DLGAP1: variants seen among roughly 807,000 people sequenced by gnomAD.
DLGAP1 encodes disks large-associated protein 1.
A neutral mutation model predicts 90.8 loss-of-function variants in DLGAP1; 11 were observed. The ratio of observed to expected loss-of-function variants is 0.12; its 90% CI spans 0.08 to 0.20. The LOEUF (loss-of-function observed/expected upper bound fraction) is 0.20. Among genes scored for constraint, DLGAP1 ranks in the 10% least tolerant of loss-of-function variants. DLGAP1 has a pLI of 1.00. For synonymous variants in DLGAP1, 558 were observed against 540.7 expected, an observed-to-expected ratio of 1.03 and a Z score of -0.44; for missense variants, 1,050 against 1,333.8, an observed-to-expected ratio of 0.79 and a Z score of 3.31.
chr18:4,330,722 A>G (rs959484134), intron 1 of DLGAP1, among the ~76,000 whole-genome samples: 2 of 151,740 alleles, frequency 1.3e-5, no homozygotes, highest in African/African-American at 4.9e-5. Flanking sequence ...TTGTGGTCAG[A>G]GATTATACTT....
At chr18:4,201,882 A>C (rs1310312481) in intron 1 of DLGAP1, among the ~76,000 whole-genome samples, 1 of 152,150 alleles carries the variant, frequency 6.6e-6, no homozygotes, top group African/African-American at 2.4e-5. Context: ...AGGGGAATGT[A>C]AATTAGTACA....
chr18:3,861,647 C>G (rs1267575884), intron 4 of DLGAP1, among the ~76,000 whole-genome samples: 2 of 152,222 alleles, frequency 1.3e-5, no homozygotes, highest in Admixed American at 6.5e-5. Flanking sequence ...AGTGCCCCCA[C>G]CCTGCCCTCT....
chr18:3,604,386 G>GAGTT (rs2057222478), intron 7 of DLGAP1: 1 of 151,960 alleles, frequency 6.6e-6, no homozygotes, highest in Admixed American at 6.6e-5. Flanking sequence ...ACATTTTCTG[G>GAGTT]AGTTACATGT....
chr18:3,823,297 C>T (rs2067524310), intron 4 of DLGAP1, among the ~76,000 whole-genome samples: 1 of 152,128 alleles, frequency 6.6e-6, no homozygotes, highest in Admixed American at 6.5e-5. Context: ...CATGAAATGC[C>T]AGGACAAAGA....
At chr18:3,674,405 G>A (rs1396031420) in intron 7 of DLGAP1, among the ~76,000 whole-genome samples, 2 of 151,324 alleles carry the variant, frequency 1.3e-5, no homozygotes, top group Non-Finnish European at 2.9e-5. Context: ...AATCATTTGA[G>A]GCCAGGAGTT....
At chr18:3,988,117 G>C (rs2073880186) in intron 3 of DLGAP1, among the ~76,000 whole-genome samples, 1 of 151,834 alleles carries the variant, frequency 6.6e-6, no homozygotes. Context: ...CCCATCTGGG[G>C]GTGATGGGAG....
At chr18:3,858,458 A>G (rs1309992491) in intron 4 of DLGAP1, among the ~76,000 whole-genome samples, 1 of 132,240 alleles carries the variant, frequency 7.6e-6, no homozygotes, top group Non-Finnish European at 1.5e-5. Context: ...AAATTATATC[A>G]TATACAACAA....
intron 4 of DLGAP1, among the ~76,000 whole-genome samples, chr18:3,855,683 G>A (rs947739903): frequency 3.3e-5 from 5 of 151,892 alleles, no homozygotes; most frequent in African/African-American, 9.7e-5. Context: ...GCATGGTCTC[G>A]GCTCACTGCA....
intron 5 of DLGAP1, among the ~76,000 whole-genome samples, chr18:3,786,855 A>T (rs1205960096): frequency 6.6e-6 from 1 of 152,172 alleles, no homozygotes; most frequent in Non-Finnish European, 1.5e-5. Flanking sequence ...GGTATTAATG[A>T]CGAACTCTGG....
chr18:4,412,685 T>C (rs921427240), intron 1 of DLGAP1, among the ~76,000 whole-genome samples: 1 of 151,904 alleles, frequency 6.6e-6, no homozygotes, highest in African/African-American at 2.4e-5. Flanking sequence ...ACAGAATTCA[T>C]GTTGCTAAGG....
intron 1 of DLGAP1, among the ~76,000 whole-genome samples, chr18:4,394,741 C>A (rs2082405587): frequency 6.6e-6 from 1 of 152,122 alleles, no homozygotes. Context: ...TTTCAGAAAT[C>A]AAGATTTTGA....
intron 5 of DLGAP1, among the ~76,000 whole-genome samples, chr18:3,755,412 C>T (rs944698030): frequency 1.3e-5 from 2 of 151,722 alleles, no homozygotes; most frequent in Non-Finnish European, 2.9e-5. Context: ...TTCAAAGACA[C>T]AAATAGGTTG....
intron 5 of DLGAP1, among the ~76,000 whole-genome samples, chr18:3,761,384 T>C (rs2063954967): frequency 6.6e-6 from 1 of 152,192 alleles, no homozygotes. Context: ...TGGCATAATG[T>C]CTTCAAGGTC....
At chr18:3,922,868 C>T (rs979482298) in intron 3 of DLGAP1, among the ~76,000 whole-genome samples, 7 of 152,070 alleles carry the variant, frequency 4.6e-5, no homozygotes, top group Admixed American at 6.6e-5. Flanking sequence ...TGTCGTGGTT[C>T]GTTCCTGTGA....
intron 1 of DLGAP1, among the ~76,000 whole-genome samples, chr18:4,288,989 C>T (rs1412046606): frequency 6.6e-6 from 1 of 152,108 alleles, no homozygotes; most frequent in East Asian, 1.9e-4. Context: ...TGTAAAACGT[C>T]TCCTGTCTTA....
intron 9 of DLGAP1, among the ~76,000 whole-genome samples, chr18:3,551,967 T>C (rs570396010): frequency 6.6e-6 from 1 of 151,036 alleles, no homozygotes; most frequent in Non-Finnish European, 1.5e-5. Context: ...ATTGTTTTTT[T>C]TTTTCTTTCT....
At chr18:3,740,975 A>C (rs868760242) in intron 6 of DLGAP1, among the ~76,000 whole-genome samples, 306 of 82,396 alleles carry the variant, frequency 3.7e-3, no homozygotes, top group South Asian at 8.9e-3. Flanking sequence ...CCACCATCAC[A>C]TCACCACCAC....
At chr18:3,772,437 C>T (rs1214746563) in intron 5 of DLGAP1, among the ~76,000 whole-genome samples, 1 of 60,754 alleles carries the variant, frequency 1.6e-5, no homozygotes, top group Non-Finnish European at 3.3e-5. Context: ...CTTCCTCCCT[C>T]CCTCCCTCCC....
intron 1 of DLGAP1, among the ~76,000 whole-genome samples, chr18:4,187,967 C>T (rs1568441098): frequency 6.6e-6 from 1 of 152,210 alleles, no homozygotes; most frequent in Non-Finnish European, 1.5e-5. Flanking sequence ...CACTGCACTC[C>T]AGCCTAGGAG....
Sources: allele counts gnomAD v4.1 joint callset (sites outside exome capture counted in the v4.1 genomes callset), GRCh38; gene constraint gnomAD v4.1.1; transcripts MANE v1.5; gene names NCBI Gene and HGNC (gene_info 2026-07-23, HGNC 2026-07-21).